Variants in CDH4 observed in about 807,000 individuals in gnomAD.
CDH4 encodes cadherin-4.
CDH4 carries 33 observed loss-of-function variants against 86.0 expected under a neutral mutation model. The ratio of observed to expected loss-of-function variants is 0.38; its 90% CI spans 0.29 to 0.51. The LOEUF is 0.51. CDH4 is among the 20% of genes least tolerant of loss of function. CDH4 has a pLI of 0.86. For missense variants in CDH4, 1,114 were observed against 1,307.4 expected (o/e 0.85, Z 2.28); for synonymous variants, 555 against 549.4 (o/e 1.01, Z -0.14).
At chr20:61,277,823 C>A (rs866069902) in intron 2 of CDH4, among the ~76,000 whole-genome samples, 1 of 152,190 alleles carries the variant, frequency 6.6e-6, no homozygotes, top group African/African-American at 2.4e-5. Context: ...CACTGGACGG[C>A]CTCCGCTTTC....
At chr20:61,699,815 G>T (rs1176176579) in intron 2 of CDH4, among the ~76,000 whole-genome samples, 1 of 150,336 alleles carries the variant, frequency 6.7e-6, no homozygotes, top group Non-Finnish European at 1.5e-5. Flanking sequence ...GCTGACCCGG[G>T]GCACACACAT....
chr20:61,693,412 T>C (rs370413230), intron 2 of CDH4, among the ~76,000 whole-genome samples: 3 of 152,320 alleles, frequency 2.0e-5, no homozygotes, highest in East Asian at 3.9e-4. Context: ...CTGATGAAAC[T>C]GCATAGGATC....
rs754635199 is a variant in CDH4, at chr20:61,879,120, G to A, written c.1050+5220G>A. On this transcript the variant is annotated intron_variant, in intron 7 of 15. Coordinates refer to ENST00000614565, the MANE Select transcript of CDH4 (RefSeq NM_001794.5). The surrounding 1 kb of genome is among the most constrained non-coding windows in gnomAD (Gnocchi z 4.1). The stretch of plus-strand genomic sequence containing the variant: ...CAGGCATTAGTAAACCCACGCAGGC[G>A]GCCACTGACAGCAGTGTAGACGCCA... Among the ~76,000 whole-genome samples, 10 of 152,198 alleles carry A rather than the reference G, an allele frequency of 6.6e-5. No homozygotes were observed. Among genetic ancestry groups the A allele is most frequent in the Non-Finnish European group, 1.2e-4 (8 of 68,040 alleles).
chr20:61,640,430 C>T (rs1319603931), intron 2 of CDH4, among the ~76,000 whole-genome samples: 5 of 152,184 alleles, frequency 3.3e-5, no homozygotes, highest in East Asian at 1.9e-4. Context: ...ACACATTTTC[C>T]GAGTGTAGAC....
intron 2 of CDH4, among the ~76,000 whole-genome samples, chr20:61,666,178 C>G (rs1232341136): frequency 6.6e-6 from 1 of 152,192 alleles, no homozygotes; most frequent in African/African-American, 2.4e-5. Flanking sequence ...TCAGGCTATT[C>G]TTGATTTTCC....
intron 2 of CDH4, among the ~76,000 whole-genome samples, chr20:61,619,892 A>C (rs893636614): frequency 6.6e-6 from 1 of 152,204 alleles, no homozygotes; most frequent in Non-Finnish European, 1.5e-5. Flanking sequence ...CTGGGGCCTG[A>C]CGGCCGAGCA....
chr20:61,400,200 G>T (rs940126845), intron 2 of CDH4, among the ~76,000 whole-genome samples: 2 of 152,134 alleles, frequency 1.3e-5, no homozygotes, highest in Non-Finnish European at 2.9e-5. Context: ...GGGAGTTAGT[G>T]CCTCCCAATC....
At chr20:61,738,299 A>G (rs1218536216) in intron 2 of CDH4, 1 of 152,144 alleles carries the variant, frequency 6.6e-6, no homozygotes, top group Non-Finnish European at 1.5e-5. Context: ...CCATGGAGAG[A>G]TGCGTGCGGC....
chr20:61,643,786 T>A (rs1290104505), intron 2 of CDH4, among the ~76,000 whole-genome samples: 1 of 152,278 alleles, frequency 6.6e-6, no homozygotes, highest in Non-Finnish European at 1.5e-5. Context: ...TCTTTAACTT[T>A]GGACCCGCCC....
intron 2 of CDH4, among the ~76,000 whole-genome samples, chr20:61,444,262 TG>T (rs2085330662): frequency 7.2e-6 from 1 of 138,282 alleles, no homozygotes; most frequent in Non-Finnish European, 1.5e-5. Flanking sequence ...TGTGTATCTA[TG>T]TGTGTGTGTG....
intron 1 of CDH4, among the ~76,000 whole-genome samples, chr20:61,253,248 G>T (rs945595755): frequency 3.3e-5 from 5 of 151,260 alleles, no homozygotes; most frequent in South Asian, 4.1e-4. Context: ...GGGCCGGGAA[G>T]CCGGACGCCG....
At chr20:61,337,287 CACTAATGGTGA>C (rs2084622834) in intron 2 of CDH4, among the ~76,000 whole-genome samples, 2 of 158 alleles carry the variant, frequency 0.013, no homozygotes, top group African/African-American at 0.022. Context: ...ATGATAATAA[CACTAATGGTGA>C]TGATAATGAT....
rs150415886 is a variant in CDH4, at chr20:61,302,712, A to T, written c.169+47775A>T. 1.4e-3 allele frequency among the ~76,000 whole-genome samples: 218 copies of T among 152,278 alleles called. 5 individuals are homozygous for T. The East Asian group carries it at 0.038, about 27-fold the overall frequency. On this transcript the variant is annotated intron_variant, in intron 2 of 15. Transcript: ENST00000614565. The stretch of plus-strand genomic sequence containing the variant: ...CGGTTCCCTGAGCATGGGAGGTAGA[A>T]CAGGGACCCCCAAAGATGCCCCAGT...
intron 4 of CDH4, among the ~76,000 whole-genome samples, chr20:61,834,413 G>A (rs567645958): frequency 4.3e-4 from 65 of 152,288 alleles, no homozygotes; most frequent in African/African-American, 1.5e-3. Flanking sequence ...CCCAGGCAGG[G>A]TCTAAGCTCC....
chr20:61,706,082 A>T (rs2087826315), intron 2 of CDH4, among the ~76,000 whole-genome samples: 2 of 152,270 alleles, frequency 1.3e-5, no homozygotes, highest in South Asian at 4.1e-4. Context: ...CATTGTGCCC[A>T]GTGGCTTTAG....
intron 2 of CDH4, among the ~76,000 whole-genome samples, chr20:61,469,023 A>G (rs2085488286): frequency 6.6e-6 from 1 of 152,180 alleles, no homozygotes; most frequent in African/African-American, 2.4e-5. Flanking sequence ...GAAACATGGT[A>G]GCAAAGATGT....
chr20:61,881,169 G>A (rs1384658485), intron 7 of CDH4, among the ~76,000 whole-genome samples: 2 of 152,220 alleles, frequency 1.3e-5, no homozygotes, highest in Non-Finnish European at 2.9e-5. Flanking sequence ...GGTCAGGACA[G>A]CTCCTCCATC....
chr20:61,872,473 C>G (rs1983847685), intron 6 of CDH4, among the ~76,000 whole-genome samples: 1 of 152,050 alleles, frequency 6.6e-6, no homozygotes, highest in Non-Finnish European at 1.5e-5. Context: ...CGGGAACGAG[C>G]ACCTCGGGTC....
rs2055231030 is a variant in CDH4 at position 61,938,971 on chromosome 20, C to T, written c.*2028C>T. The T allele has an allele frequency of 1.3e-5, 2 of 152,500 alleles. No individual in the cohort carries two copies. The highest frequency in any genetic ancestry group is 2.9e-5 in the Non-Finnish European group (2 of 68,282). 9.4% of individuals were successfully genotyped at this position (152,500 alleles called of 1,614,324 possible). A position where few individuals can be genotyped will look rare whatever the true frequency, so the allele number is the denominator to read the frequency against. ...GCAGACAGCCAGTCCAGGAGATGGACCAACAGAGGTCAAGGGGCAGCTGGC... is the reference window on the plus strand; with the variant it reads ...GCAGACAGCCAGTCCAGGAGATGGATCAACAGAGGTCAAGGGGCAGCTGGC... On this transcript the variant is annotated 3_prime_UTR_variant, in exon 16 of 16. Transcript: ENST00000614565.
Sources: gnomAD v4.1 joint callset for allele counts (sites outside exome capture counted in the v4.1 genomes callset) on GRCh38, gnomAD v4.1.1 for gene constraint, Gnocchi (gnomAD v3.1) non-coding constraint, MANE v1.5 for transcripts, NCBI Gene and HGNC (gene_info 2026-07-23, HGNC 2026-07-21) for gene names.